KCNMA1: variants seen among roughly 807,000 people sequenced by gnomAD.
The protein encoded by KCNMA1 is Calcium-activated potassium channel subunit alpha-1.
KCNMA1 carries 29 observed loss-of-function variants against 140.0 expected under a neutral mutation model. That is an observed-to-expected ratio of 0.21 (90% CI 0.15 to 0.28). The LOEUF is 0.28. Among genes scored for constraint, KCNMA1 ranks in the 10% least tolerant of loss-of-function variants. The probability of loss-of-function intolerance (pLI) is 1.00; values close to 1 mark genes in which losing one functional copy is unlikely to be tolerated. For synonymous variants in KCNMA1, 612 were observed against 611.9 expected, an observed-to-expected ratio of 1.00 and a Z score of 0.00; for missense variants, 880 against 1,602.2, an observed-to-expected ratio of 0.55 and a Z score of 7.70.
intron 20 of KCNMA1, among the ~76,000 whole-genome samples, chr10:76,964,696 G>T (rs2073173522): frequency 6.6e-6 from 1 of 152,132 alleles, no homozygotes; most frequent in Non-Finnish European, 1.5e-5. Flanking sequence ...AATCTTTCAT[G>T]CTAGCAGGCT....
chr10:77,161,077 T>C (rs1597529833), intron 5 of KCNMA1, among the ~76,000 whole-genome samples: 2 of 152,216 alleles, frequency 1.3e-5, no homozygotes, highest in Non-Finnish European at 2.9e-5. Flanking sequence ...TGCCTGTTGA[T>C]AGAAACATTG....
chr10:76,931,741 T>A (rs1246016653), intron 23 of KCNMA1, among the ~76,000 whole-genome samples: 1 of 152,174 alleles, frequency 6.6e-6, no homozygotes, highest in East Asian at 1.9e-4. Context: ...AGCCTGTCTA[T>A]GGAGGGGAAG....
chr10:77,436,840 G>A (rs1293505241), intron 1 of KCNMA1, among the ~76,000 whole-genome samples: 2 of 152,070 alleles, frequency 1.3e-5, no homozygotes, highest in African/African-American at 4.8e-5. Context: ...ATGACCATAT[G>A]GAGCTTAAAA....
intron 1 of KCNMA1, among the ~76,000 whole-genome samples, chr10:77,459,913 G>A (rs1384258091): frequency 6.6e-6 from 1 of 152,178 alleles, no homozygotes; most frequent in African/African-American, 2.4e-5. Context: ...TGGTTGTCAA[G>A]AAAATTAAAT....
chr10:77,612,523 G>C (rs935334811), intron 1 of KCNMA1, among the ~76,000 whole-genome samples: 1 of 152,164 alleles, frequency 6.6e-6, no homozygotes, highest in African/African-American at 2.4e-5. Context: ...TCCTAGGAGC[G>C]CTTGTGGTCG....
intron 19 of KCNMA1, among the ~76,000 whole-genome samples, chr10:76,988,584 A>G (rs528359536): frequency 6.6e-6 from 1 of 152,178 alleles, no homozygotes; most frequent in Non-Finnish European, 1.5e-5. Context: ...ATCATCAAAA[A>G]AGAAATTTTG....
In KCNMA1 at chr10:77,502,699, AC is replaced by A. The variant is rs977801112; in HGVS notation, c.379-98677del. On this transcript the variant is annotated intron_variant, in intron 1 of 27. Coordinates refer to ENST00000286628, the MANE Select transcript of KCNMA1 (RefSeq NM_001161352.2). ...TCAAATTTGCCTCTACCACTCACCC[AC>A]CCTTTGTCATCAGGCAAGCCACTTA... 2.1e-3 allele frequency among the ~76,000 whole-genome samples: 311 copies of A among 150,894 alleles called. 1 individual carries two copies. The highest frequency in any genetic ancestry group is 3.2e-3 in the Non-Finnish European group (217 of 67,440).
At chr10:76,909,879 A>C in intron 25 of KCNMA1, 87 bp downstream of exon 25, 2 of 1,425,198 alleles carry the variant, frequency 1.4e-6, no homozygotes, top group Non-Finnish European at 1.9e-6. Flanking sequence ...CTGTGGCCCC[A>C]GTGCAGCCCA....
intron 3 of KCNMA1, among the ~76,000 whole-genome samples, chr10:77,188,857 A>G (rs948509797): frequency 2.6e-5 from 4 of 152,128 alleles, no homozygotes; most frequent in Admixed American, 2.6e-4. Flanking sequence ...AGGAGCTCTC[A>G]GCACAAAATC....
chr10:77,563,255 G>T (rs1166165386), intron 1 of KCNMA1, among the ~76,000 whole-genome samples: 2 of 152,250 alleles, frequency 1.3e-5, no homozygotes, highest in East Asian at 3.9e-4. Context: ...ATCAATAGCC[G>T]GGGTGAGAAG....
At chr10:76,973,675 T>C (rs1265289210) in intron 19 of KCNMA1, among the ~76,000 whole-genome samples, 1 of 152,182 alleles carries the variant, frequency 6.6e-6, no homozygotes, top group African/African-American at 2.4e-5. Flanking sequence ...TTCATCAGCA[T>C]TCTGTTTTCA....
chr10:76,872,077 C>T (rs1564638982), exon 28 of KCNMA1: 1 of 152,126 alleles, frequency 6.6e-6, no homozygotes, highest in African/African-American at 2.4e-5. Flanking sequence ...ATTAATTATT[C>T]TCTACTATTT....
chr10:77,451,269 C>T (rs773992977), intron 1 of KCNMA1, among the ~76,000 whole-genome samples: 3 of 152,162 alleles, frequency 2.0e-5, no homozygotes, highest in Non-Finnish European at 4.4e-5. Flanking sequence ...GAGAATCTTC[C>T]TCTTATTGTC....
intron 5 of KCNMA1, among the ~76,000 whole-genome samples, chr10:77,177,393 TTCTTTCCTTCCTTCCTTCTTTCC>T (rs1416213965): frequency 1.3e-5 from 2 of 151,286 alleles, no homozygotes; most frequent in Non-Finnish European, 3.0e-5. Context: ...ACTTTCTTCC[TTCTTTCCTTCCTTCCTTCTTTCC>T]TCTTTCCTTC....
At chr10:76,999,907 A>G (rs530299316) in intron 19 of KCNMA1, among the ~76,000 whole-genome samples, 1 of 152,090 alleles carries the variant, frequency 6.6e-6, no homozygotes, top group Non-Finnish European at 1.5e-5. Context: ...CATGCTTTGC[A>G]CTTGAACTTT....
intron 1 of KCNMA1, among the ~76,000 whole-genome samples, chr10:77,595,372 G>C (rs527920042): frequency 1.5e-5 from 2 of 131,790 alleles, no homozygotes; most frequent in East Asian, 4.5e-4. Context: ...AAAAAAAAAA[G>C]GTTTTAGTAG....
intron 13 of KCNMA1, among the ~76,000 whole-genome samples, chr10:77,078,711 A>G (rs1013395615): frequency 6.6e-6 from 1 of 152,230 alleles, no homozygotes; most frequent in African/African-American, 2.4e-5. Flanking sequence ...CCCCGAGGAC[A>G]CAAAATAGGG....
chr10:77,351,852 C>T (rs1296932134), intron 2 of KCNMA1, among the ~76,000 whole-genome samples: 1 of 152,178 alleles, frequency 6.6e-6, no homozygotes, highest in African/African-American at 2.4e-5. Context: ...TTAAAAGCAA[C>T]CCTGTTCTTC....
intron 1 of KCNMA1, among the ~76,000 whole-genome samples, chr10:77,572,552 C>CA (rs200696383): frequency 0.17 from 6,569 of 38,654 alleles, 867 homozygotes; most frequent in East Asian, 0.64. Context: ...TCTGTCGCTC[C>CA]AAAAAAAAAA....
Sources: allele counts gnomAD v4.1 joint callset (sites outside exome capture counted in the v4.1 genomes callset), GRCh38; gene constraint gnomAD v4.1.1; transcripts MANE v1.5; gene names NCBI Gene and HGNC (gene_info 2026-07-23, HGNC 2026-07-21).